The following OGFOD3 variants were observed in gnomAD, a reference collection of about 807,000 sequenced individuals.
OGFOD3 encodes 2-oxoglutarate and iron-dependent oxygenase domain-containing protein 3.
In OGFOD3, 35 loss-of-function variants were observed where a neutral mutation model predicts 39.8. That is an observed-to-expected ratio of 0.88 (90% confidence interval 0.67 to 1.17). The LOEUF (loss-of-function observed/expected upper bound fraction) is 1.17. Among genes scored for constraint, OGFOD3 ranks in the 50% most tolerant of loss-of-function variants. OGFOD3 has a pLI of 0.00. For synonymous variants in OGFOD3, 200 were observed against 192.0 expected (o/e 1.04, Z -0.34); for missense variants, 438 against 454.5 (o/e 0.96, Z 0.33).
chr17:82,406,227 A>G lies in OGFOD3; in HGVS notation c.488+191T>C, dbSNP rs995833679. ...CCTGCCCACAGGCTGTGGAGAGTCC[A>G]CACCTCCCAGCTCTTGCGTCCCAAA... On this transcript the variant is annotated intron_variant, in intron 5 of 8. Transcript: ENST00000313056. The surrounding 1 kb of genome is among the most constrained non-coding windows in gnomAD (Gnocchi z 5.2). 6.6e-6 allele frequency among the ~76,000 whole-genome samples: 1 copy of G among 152,116 alleles called. No individual in the cohort carries two copies. The highest frequency in any genetic ancestry group is 2.4e-5 in the African/African-American group (1 of 41,404).
chr17:82,411,539 G>A lies in OGFOD3; in HGVS notation c.305-9C>T, dbSNP rs2052943133. On this transcript the variant is annotated splice_polypyrimidine_tract_variant and intron_variant, in intron 2 of 8. Coordinates refer to ENST00000313056, the MANE Select transcript of OGFOD3 (RefSeq NM_024648.3). ...CTTTCGGGGAGTGCAGCCTGTGAAG[G>A]GACAGCCAGGGTGAGACGCAGTTTC... The A allele has an allele frequency of 1.2e-6, 2 of 1,613,368 alleles. No homozygotes were observed. The highest frequency in any genetic ancestry group is 1.7e-5 in the Admixed American group (1 of 59,998).
At chr17:82,414,062 C>T (rs969005282) in intron 2 of OGFOD3, among the ~76,000 whole-genome samples, 2 of 152,162 alleles carry the variant, frequency 1.3e-5, no homozygotes, top group African/African-American at 4.8e-5. Flanking sequence ...AACTTTTCCA[C>T]CTCCCACAGG....
intron 7 of OGFOD3, among the ~76,000 whole-genome samples, chr17:82,403,339 A>C (rs1016777469): frequency 5.3e-5 from 8 of 152,008 alleles, no homozygotes; most frequent in Admixed American, 3.9e-4. Flanking sequence ...AGACATCTAA[A>C]TGCTTACACC....
chr17:82,418,397 C>A lies in OGFOD3; in HGVS notation c.74+15G>T. 6.8e-7 allele frequency: 1 copy of A among 1,473,706 alleles called. No individual in the cohort carries two copies. Among genetic ancestry groups the A allele is most frequent in the East Asian group, 3.0e-5 (1 of 33,536 alleles). 91.3% of individuals were successfully genotyped at this position (1,473,706 alleles called of 1,614,324 possible). A position where few individuals can be genotyped will look rare whatever the true frequency, so the allele number is the denominator to read the frequency against. On this transcript the variant is annotated intron_variant, in intron 1 of 8. Transcript: ENST00000313056. ...CCGCCGCCGCAGCGCGCGCCCTTCCCCTCCTCACCGCTACCTGCTCCGGTT... is the reference window on the plus strand; with the variant it reads ...CCGCCGCCGCAGCGCGCGCCCTTCCACTCCTCACCGCTACCTGCTCCGGTT...
chr17:82,409,655 G>C (rs1021771180), intron 3 of OGFOD3, among the ~76,000 whole-genome samples: 2 of 152,218 alleles, frequency 1.3e-5, no homozygotes, highest in Admixed American at 6.5e-5. Flanking sequence ...TCAGCACCTT[G>C]GGAGGCCAAG....
Position 82,390,643 on chromosome 17 carries a change from C to T in OGFOD3, c.*1755G>A. The stretch of plus-strand genomic sequence containing the variant: ...AGCTGTGGACCCAGGGAGCCTATCC[C>T]ACGCCGTCCTCCGCATGTGGCCCGT... On this transcript the variant is annotated 3_prime_UTR_variant, in exon 9 of 9. Transcript: ENST00000313056. This position sits in a 1 kb window ranked among gnomAD's most constrained non-coding sequence, Gnocchi z 4.9. 1 of 178,062 alleles carries T rather than the reference C, an allele frequency of 5.6e-6. No homozygotes were observed. The highest frequency in any genetic ancestry group is 1.2e-5 in the Non-Finnish European group (1 of 82,276). 11.0% of individuals were successfully genotyped at this position (178,062 alleles called of 1,614,324 possible). A position where few individuals can be genotyped will look rare whatever the true frequency, so the allele number is the denominator to read the frequency against.
rs540133394 is a variant in OGFOD3, at chr17:82,390,540, C to T, written c.*1858G>A. On this transcript the variant is annotated 3_prime_UTR_variant, in exon 9 of 9. Transcript: ENST00000313056. The surrounding 1 kb of genome is among the most constrained non-coding windows in gnomAD (Gnocchi z 4.9). ...CCACATCAGAGGCCATGGGAGGGCG[C>T]GGGAGCCTCAGGGTTCCTGCCCCAT... The T allele has an allele frequency of 7.8e-5, 12 of 154,740 alleles. No homozygotes were observed. The highest frequency in any genetic ancestry group is 7.5e-4 in the South Asian group (4 of 5,306). 9.6% of individuals were successfully genotyped at this position (154,740 alleles called of 1,614,324 possible). A position where few individuals can be genotyped will look rare whatever the true frequency, so the allele number is the denominator to read the frequency against.
intron 7 of OGFOD3, among the ~76,000 whole-genome samples, chr17:82,400,038 C>G (rs552019191): frequency 7.9e-5 from 12 of 152,326 alleles, no homozygotes; most frequent in African/African-American, 2.9e-4. Flanking sequence ...AGGCAGACAC[C>G]GGGCCCTCCC....
intron 8 of OGFOD3, 116 bp downstream of exon 8, chr17:82,398,080 C>G: frequency 7.6e-7 from 1 of 1,317,882 alleles, no homozygotes; most frequent in South Asian, 1.3e-5. Context: ...AGCACCGGCC[C>G]GGCACACAGC....
At position 82,391,522 on chromosome 17, in the gene OGFOD3, TG is replaced by T. The variant is rs1188288896; in HGVS notation, c.*875del. The T allele has an allele frequency of 1.3e-5, 2 of 152,446 alleles. No homozygotes were observed. Among genetic ancestry groups the T allele is most frequent in the Non-Finnish European group, 1.5e-5 (1 of 68,218 alleles). The allele number at this position is 152,446 out of a possible 1,614,324, so 9.4% of individuals were successfully genotyped here. A position where few individuals can be genotyped will look rare whatever the true frequency, so the allele number is the denominator to read the frequency against. On this transcript the variant is annotated 3_prime_UTR_variant, in exon 9 of 9. Transcript: ENST00000313056. This position sits in a 1 kb window ranked among gnomAD's most constrained non-coding sequence, Gnocchi z 5.1. ...TTTTAGTAGAGACAGGGTTTCGCCA[TG>T]TTGGCCAGGCTGGTCTTGAACTCCT...
intron 2 of OGFOD3, among the ~76,000 whole-genome samples, chr17:82,413,624 C>T (rs1477062725): frequency 6.6e-6 from 1 of 152,098 alleles, no homozygotes; most frequent in African/African-American, 2.4e-5. Context: ...AACCCCAGGG[C>T]CTTAGGAGGC....
At chr17:82,410,315 G>A (rs1336694013) in intron 3 of OGFOD3, among the ~76,000 whole-genome samples, 1 of 152,242 alleles carries the variant, frequency 6.6e-6, no homozygotes, top group East Asian at 1.9e-4. Flanking sequence ...GAGAATCTCA[G>A]GGCAGGGCAC....
chr17:82,414,895 C>T (rs1599705741), intron 2 of OGFOD3, among the ~76,000 whole-genome samples: 3 of 152,144 alleles, frequency 2.0e-5, no homozygotes, highest in African/African-American at 7.2e-5. Context: ...GCTCCGAGGC[C>T]GTGCGCTCTC....
intron 7 of OGFOD3, among the ~76,000 whole-genome samples, chr17:82,401,749 A>G (rs1180919914): frequency 7.0e-6 from 1 of 142,836 alleles, no homozygotes; most frequent in Admixed American, 7.4e-5. Context: ...GGTTGCAGTG[A>G]GCTGAGATCG....
chr17:82,392,140 C>G lies in OGFOD3; in HGVS notation c.*258G>C, dbSNP rs1374488004. 7.4e-6 allele frequency: 4 copies of G among 537,320 alleles called. No homozygotes were observed. Among genetic ancestry groups the G allele is most frequent in the South Asian group, 4.5e-5 (2 of 43,986 alleles). The allele number at this position is 537,320 out of a possible 1,614,324, so 33.3% of individuals were successfully genotyped here. ...CATTCACAGATGGGGACTTGTGCCC[C>G]GTCCTGCTGGGTCCCTTTCCTGGCC... On this transcript the variant is annotated 3_prime_UTR_variant, in exon 9 of 9. Coordinates refer to ENST00000313056, the MANE Select transcript of OGFOD3 (RefSeq NM_024648.3). The surrounding 1 kb of genome is among the most constrained non-coding windows in gnomAD (Gnocchi z 4.2).
chr17:82,398,251 T>TCCG lies in OGFOD3; in HGVS notation c.765_767dup (p.Gly257dup). On this transcript the variant is annotated inframe_insertion, in exon 8 of 9. Transcript: ENST00000313056. ...CCTCCTCCATGAACATGAACCGCCC[T>TCCG]CCGCCGAAGTCCTCCAGGTAGTTGG... is the stretch of plus-strand genomic sequence containing the variant. 1 of 1,613,974 alleles carries TCCG rather than the reference T, an allele frequency of 6.2e-7. No homozygotes were observed. The highest frequency in any genetic ancestry group is 2.2e-5 in the East Asian group (1 of 44,866).
chr17:82,394,661 T>A, intron 8 of OGFOD3: 4 of 709,354 alleles, frequency 5.6e-6, no homozygotes, highest in Non-Finnish European at 6.8e-6. Context: ...AGGGGGGACC[T>A]CTGAGCCCTC....
chr17:82,407,957 A>G (rs2052881163), intron 4 of OGFOD3, among the ~76,000 whole-genome samples: 1 of 152,220 alleles, frequency 6.6e-6, no homozygotes, highest in Admixed American at 6.5e-5. Context: ...AGCCTGGCCA[A>G]CATGGTGAAA....
intron 8 of OGFOD3, among the ~76,000 whole-genome samples, chr17:82,396,098 A>G (rs1445590710): frequency 6.6e-6 from 1 of 152,206 alleles, no homozygotes; most frequent in Admixed American, 6.5e-5. Context: ...GATACACACA[A>G]TTAGATGTAT....
Sources: allele counts gnomAD v4.1 joint callset (sites outside exome capture counted in the v4.1 genomes callset), GRCh38; gene constraint gnomAD v4.1.1; non-coding constraint Gnocchi (gnomAD v3.1); transcripts MANE v1.5; gene names NCBI Gene and HGNC (gene_info 2026-07-23, HGNC 2026-07-21).